The following VWA8 variants were observed in gnomAD, a reference collection of about 807,000 sequenced individuals.
VWA8 encodes the protein von Willebrand factor A domain containing 8, also known as von Willebrand factor A domain-containing protein 8.
VWA8 carries 221 observed loss-of-function variants against 241.5 expected under a neutral mutation model. The observed-to-expected ratio is 0.91, with a 90% CI of 0.82 to 1.02. The LOEUF (loss-of-function observed/expected upper bound fraction) is 1.02, where lower values mean the gene tolerates loss of function less well. Among genes scored for constraint, VWA8 ranks in the 50% least tolerant of loss-of-function variants. The probability of loss-of-function intolerance (pLI) is 0.00; values close to 1 mark genes in which losing one functional copy is unlikely to be tolerated. For missense variants in VWA8, 2,322 were observed against 2,328.7 expected (o/e 1.00, Z 0.06); for synonymous variants, 852 against 827.1 (o/e 1.03, Z -0.52).
chr13:41,722,759 A>G (rs1347011964), intron 24 of VWA8, among the ~76,000 whole-genome samples: 6 of 152,180 alleles, frequency 3.9e-5, no homozygotes, highest in African/African-American at 1.2e-4. Flanking sequence ...ACCTGGGGGA[A>G]GAGCATTCCA....
chr13:41,761,505 C>T (rs1035306897), intron 20 of VWA8, among the ~76,000 whole-genome samples: 4 of 152,040 alleles, frequency 2.6e-5, no homozygotes, highest in Non-Finnish European at 2.9e-5. Context: ...CTAGGCATCA[C>T]AGCAGATGCC....
chr13:41,830,537 T>C lies in VWA8; in HGVS notation c.1692A>G (p.Leu564=), dbSNP rs555997414. The part of the protein sequence containing the change: ...KEELQLSDEQ[L]QKRSIFPIHP... ...AATGGACCCCAAATTACCTCTTCTG[T>C]AGCTGTTCATCAGACAGTTGCAGCT... Residue 564 remains leucine (L), a synonymous_variant, in exon 14 of 45, where the codon CTA becomes CTG. Coordinates refer to ENST00000379310, the MANE Select transcript of VWA8 (RefSeq NM_015058.2). 9.6e-5 allele frequency: 155 copies of C among 1,613,444 alleles called. 1 individual carries two copies. In the South Asian group the frequency reaches 1.6e-3, roughly 17 times the overall value.
chr13:41,640,597 C>G (rs764645285), intron 37 of VWA8, among the ~76,000 whole-genome samples: 1 of 152,174 alleles, frequency 6.6e-6, no homozygotes, highest in Non-Finnish European at 1.5e-5. Flanking sequence ...CATGTACTTG[C>G]TAGTTAAAAT....
chr13:41,663,552 C>G (rs756747103), intron 37 of VWA8, among the ~76,000 whole-genome samples: 27 of 152,040 alleles, frequency 1.8e-4, no homozygotes, highest in Admixed American at 9.2e-4. Flanking sequence ...CTATTTACCT[C>G]CATATTTCTA....
chr13:41,769,533 C>T (rs948369751), intron 20 of VWA8, among the ~76,000 whole-genome samples: 4 of 152,102 alleles, frequency 2.6e-5, no homozygotes, highest in Non-Finnish European at 4.4e-5. Flanking sequence ...TTTAAATGTC[C>T]TTTACTTAGT....
At chr13:41,612,590 T>G (rs1353477626) in intron 38 of VWA8, among the ~76,000 whole-genome samples, 1 of 152,208 alleles carries the variant, frequency 6.6e-6, no homozygotes, top group African/African-American at 2.4e-5. Flanking sequence ...AAACACTACA[T>G]GGACCAGAGA....
In VWA8 at chr13:41,699,147, C is replaced by T. The variant is rs983790533; in HGVS notation, c.3488G>A (p.Gly1163Asp). 10 of 1,614,012 alleles carry T rather than the reference C, an allele frequency of 6.2e-6. No individual in the cohort carries two copies. The highest frequency in any genetic ancestry group is 1.3e-5 in the African/African-American group (1 of 74,924). The change falls in exon 29 of 45, where the codon GGC becomes GAC. Residue 1163 changes from glycine to aspartate, a missense_variant. Physicochemically the swap from Gly to Asp is moderately conservative, Grantham distance 94. Coordinates refer to ENST00000379310, the MANE Select transcript of VWA8 (RefSeq NM_015058.2). Reference sequence around the variant, plus strand: ...CACTGTCACAAAAGGGTGCCAAACGCCATTGGCTGTTCTTGGGAAGATATC... The same window carrying T: ...CACTGTCACAAAAGGGTGCCAAACGTCATTGGCTGTTCTTGGGAAGATATC... The part of the protein sequence containing the change: ...FFDIFPRTAN[G>D]VWHPFVTVAP...
chr13:41,851,237 C>A (rs1384810809), intron 12 of VWA8, among the ~76,000 whole-genome samples: 1 of 152,170 alleles, frequency 6.6e-6, no homozygotes, highest in East Asian at 1.9e-4. Context: ...CCAGGCCAGT[C>A]CACCTAAGGA....
chr13:41,682,738 C>T (rs77523492), intron 35 of VWA8, among the ~76,000 whole-genome samples: 3,713 of 152,140 alleles, frequency 0.024, 52 homozygotes, highest in Middle Eastern at 0.061. Context: ...AGAGCAAGAC[C>T]TTGTCTCAAA....
At chr13:41,896,090 A>T (rs1875094534) in intron 4 of VWA8, among the ~76,000 whole-genome samples, 1 of 152,066 alleles carries the variant, frequency 6.6e-6, no homozygotes, top group African/African-American at 2.4e-5. Context: ...ATAAAACAGA[A>T]TTTAAGAAGG....
chr13:41,772,185 C>T (rs926847396), intron 20 of VWA8, among the ~76,000 whole-genome samples: 3 of 152,136 alleles, frequency 2.0e-5, no homozygotes, highest in Non-Finnish European at 4.4e-5. Context: ...CCACTGCGCC[C>T]GGCCTCCGGC....
In VWA8 at chr13:41,898,977, G is replaced by T. The variant is rs550491168; in HGVS notation, c.484-7390C>A. Among the ~76,000 whole-genome samples the T allele has an allele frequency of 2.2e-3, 331 of 152,362 alleles. 7 individuals are homozygous for T. Among genetic ancestry groups the T allele is most frequent in the Admixed American group, 2.5e-3 (38 of 15,312 alleles). On this transcript the variant is annotated intron_variant, in intron 4 of 44. Transcript: ENST00000379310. ...CGCGCCTCTTCCTCCACACCTCCCT[G>T]CAAGCTGAGGGAGCCGGCTCTGGCC...
At chr13:41,740,790 G>C (rs924121224) in intron 21 of VWA8, among the ~76,000 whole-genome samples, 1 of 152,206 alleles carries the variant, frequency 6.6e-6, no homozygotes, top group African/African-American at 2.4e-5. Context: ...ACACGAGGAT[G>C]TGGTTCATTT....
intron 38 of VWA8, among the ~76,000 whole-genome samples, chr13:41,614,436 G>A (rs915465571): frequency 2.6e-5 from 4 of 152,202 alleles, no homozygotes; most frequent in African/African-American, 9.7e-5. Context: ...CAAGAGGAAG[G>A]AGTCGGCCAT....
intron 34 of VWA8, among the ~76,000 whole-genome samples, chr13:41,685,671 T>C (rs1489735308): frequency 3.2e-4 from 49 of 152,088 alleles, no homozygotes; most frequent in Admixed American, 3.2e-3. Flanking sequence ...CAAGTTAAAT[T>C]TTTTACCTTG....
chr13:41,924,124 C>T (rs1272646578), intron 2 of VWA8, among the ~76,000 whole-genome samples: 2 of 151,938 alleles, frequency 1.3e-5, no homozygotes, highest in Non-Finnish European at 2.9e-5. Flanking sequence ...GGAAATTCAG[C>T]AAGATATAAG....
At chr13:41,642,837 G>A (rs906704605) in intron 37 of VWA8, among the ~76,000 whole-genome samples, 1 of 151,976 alleles carries the variant, frequency 6.6e-6, no homozygotes, top group East Asian at 1.9e-4. Context: ...GCTGAGATAG[G>A]AGAAATGCTT....
At chr13:41,701,937 T>C (rs1454739204) in intron 27 of VWA8, among the ~76,000 whole-genome samples, 1 of 152,242 alleles carries the variant, frequency 6.6e-6, no homozygotes. Flanking sequence ...AAGAAGGATT[T>C]TTATGTCATT....
At chr13:41,581,801 T>C (rs1012917192) in intron 42 of VWA8, among the ~76,000 whole-genome samples, 3 of 152,142 alleles carry the variant, frequency 2.0e-5, no homozygotes, top group Non-Finnish European at 2.9e-5. Flanking sequence ...TTTGGTATTA[T>C]TGAGTACTTT....
Sources: allele counts gnomAD v4.1 joint callset (sites outside exome capture counted in the v4.1 genomes callset), GRCh38; gene constraint gnomAD v4.1.1; transcripts MANE v1.5; gene names NCBI Gene and HGNC (gene_info 2026-07-23, HGNC 2026-07-21).